The following DPP10 variants were observed in gnomAD, a reference collection of about 807,000 sequenced individuals.
DPP10 encodes the protein inactive dipeptidyl peptidase 10.
DPP10 carries 33 observed loss-of-function variants against 120.9 expected under a neutral mutation model. That is an observed-to-expected ratio of 0.27 (90% CI 0.21 to 0.37). The LOEUF is 0.37. DPP10 is among the 10% of genes least tolerant of loss of function. The pLI, the probability that DPP10 is intolerant of heterozygous loss-of-function variation, is 1.00. For synonymous variants in DPP10, 337 were observed against 326.1 expected (o/e 1.03, Z -0.36); for missense variants, 816 against 942.8 (o/e 0.87, Z 1.76).
At chr2:115,352,665 A>C (rs1009567176) in intron 3 of DPP10, among the ~76,000 whole-genome samples, 1 of 152,170 alleles carries the variant, frequency 6.6e-6, no homozygotes, top group Admixed American at 6.6e-5. Flanking sequence ...GACATTATGA[A>C]TATAAAGGGT....
At chr2:114,467,160 C>T (rs892309651) in intron 1 of DPP10, among the ~76,000 whole-genome samples, 1 of 152,058 alleles carries the variant, frequency 6.6e-6, no homozygotes, top group East Asian at 1.9e-4. Flanking sequence ...AAGAGGCAAC[C>T]TTACACTTTG....
At chr2:115,019,643 C>T (rs540559567) in intron 1 of DPP10, among the ~76,000 whole-genome samples, 44 of 152,250 alleles carry the variant, frequency 2.9e-4, no homozygotes, top group African/African-American at 9.6e-4. Flanking sequence ...ATCTAGACAT[C>T]CAAATACAAG....
At chr2:115,705,237 C>A (rs1396378264) in intron 7 of DPP10, among the ~76,000 whole-genome samples, 2 of 151,906 alleles carry the variant, frequency 1.3e-5, no homozygotes, top group Admixed American at 1.3e-4. Context: ...ACTTTTCAAA[C>A]ATATCTTTGA....
chr2:114,951,362 T>C (rs1697771064), intron 1 of DPP10, among the ~76,000 whole-genome samples: 1 of 152,192 alleles, frequency 6.6e-6, no homozygotes, highest in Non-Finnish European at 1.5e-5. Flanking sequence ...ATGAATATGA[T>C]TAGAACTGAG....
At chr2:115,235,146 A>G (rs1327691236) in intron 1 of DPP10, among the ~76,000 whole-genome samples, 2 of 152,144 alleles carry the variant, frequency 1.3e-5, no homozygotes, top group African/African-American at 2.4e-5. Context: ...GGAAAGGAAA[A>G]TTGCTTTAGA....
intron 1 of DPP10, among the ~76,000 whole-genome samples, chr2:114,684,271 T>A (rs1699226386): frequency 6.6e-6 from 1 of 151,884 alleles, no homozygotes; most frequent in Non-Finnish European, 1.5e-5. Context: ...CTCTTTTACC[T>A]CCCGGCCACT....
At chr2:115,215,233 TTA>T (rs1359168677) in intron 1 of DPP10, among the ~76,000 whole-genome samples, 12 of 152,344 alleles carry the variant, frequency 7.9e-5, no homozygotes, top group African/African-American at 2.9e-4. Flanking sequence ...AAAGCATAAC[TTA>T]TGATATTTGT....
intron 1 of DPP10, among the ~76,000 whole-genome samples, chr2:114,965,822 C>T (rs36121639): frequency 0.26 from 39,292 of 151,122 alleles, 5,165 homozygotes; most frequent in East Asian, 0.36. Context: ...AAAAATTAGC[C>T]GGGGACAATG....
chr2:115,840,806 G>A lies in DPP10; in HGVS notation c.2239G>A (p.Val747Met). The A allele has an allele frequency of 6.2e-7, 1 of 1,613,568 alleles. No homozygotes were observed. The highest frequency in any genetic ancestry group is 1.1e-5 in the South Asian group (1 of 91,048). Residue 747 changes from valine to methionine, a missense_variant, in exon 25 of 26, where the codon GTG (valine) becomes ATG (methionine). Around this residue, in one of 3 missense-constraint regions of DPP10, gnomAD observed 592 missense variants for 649.0 expected, o/e 0.91. Transcript: ENST00000410059. ...AATCAAGCACCTAATAAAAGCTGGA[G>A]TGAATTATACTATGCAGGTAAGCTA... The part of the protein sequence containing the change: ...ELIKHLIKAG[V>M]NYTMQVYPDE...
intron 1 of DPP10, among the ~76,000 whole-genome samples, chr2:115,023,061 C>T (rs1281134624): frequency 2.0e-5 from 3 of 152,104 alleles, no homozygotes; most frequent in Admixed American, 6.5e-5. Flanking sequence ...AAGATAACAT[C>T]GGAAAAACCC....
chr2:114,731,717 G>A (rs981833782), intron 1 of DPP10, among the ~76,000 whole-genome samples: 2 of 152,166 alleles, frequency 1.3e-5, no homozygotes, highest in Non-Finnish European at 2.9e-5. Flanking sequence ...ACATGAAATA[G>A]CAGAAGCAGT....
intron 1 of DPP10, among the ~76,000 whole-genome samples, chr2:115,040,232 C>T (rs1704534421): frequency 1.3e-5 from 2 of 151,812 alleles, no homozygotes; most frequent in Non-Finnish European, 2.9e-5. Flanking sequence ...CAAACCATAT[C>T]ACCAGGTGAT....
chr2:114,999,301 A>T (rs1276470335), intron 1 of DPP10, among the ~76,000 whole-genome samples: 1 of 152,168 alleles, frequency 6.6e-6, no homozygotes, highest in Non-Finnish European at 1.5e-5. Context: ...TCATCAATAC[A>T]GCCCCTGCCA....
intron 1 of DPP10, among the ~76,000 whole-genome samples, chr2:115,270,931 T>A (rs2059674282): frequency 6.6e-6 from 1 of 152,196 alleles, no homozygotes; most frequent in Non-Finnish European, 1.5e-5. Flanking sequence ...GCAAATTAGG[T>A]ATTCATTTTT....
chr2:115,588,841 A>C (rs770525655), intron 5 of DPP10, among the ~76,000 whole-genome samples: 86 of 152,218 alleles, frequency 5.6e-4, no homozygotes, highest in Non-Finnish European at 1.1e-3. Context: ...AGTTTGTAAA[A>C]TATTCTTCTA....
rs565442974 is a variant in DPP10, at chr2:115,017,613, AC to A, written c.61-291625del. Among the ~76,000 whole-genome samples the A allele has an allele frequency of 1.5e-4, 23 of 152,274 alleles. No individual in the cohort carries two copies. In the East Asian group the frequency reaches 4.4e-3, roughly 29 times the overall value. On this transcript the variant is annotated intron_variant, in intron 1 of 25. Coordinates refer to ENST00000410059, the MANE Select transcript of DPP10 (RefSeq NM_020868.6). ...GACCTGGAACCAACGCAAACGTCCA[AC>A]AGTGATAGACTAGATTGAGAAAATG...
At chr2:114,451,580 G>C (rs536321458) in intron 1 of DPP10, among the ~76,000 whole-genome samples, 1 of 152,144 alleles carries the variant, frequency 6.6e-6, no homozygotes, top group East Asian at 1.9e-4. Flanking sequence ...GAAGAAAAAA[G>C]GCAATGCAAC....
intron 1 of DPP10, among the ~76,000 whole-genome samples, chr2:114,977,940 T>A (rs1699855950): frequency 6.6e-6 from 1 of 152,186 alleles, no homozygotes; most frequent in African/African-American, 2.4e-5. Context: ...TGTGCTTTTT[T>A]GGTTTGCAAA....
chr2:114,535,584 G>A (rs1237785884), intron 1 of DPP10, among the ~76,000 whole-genome samples: 1 of 152,088 alleles, frequency 6.6e-6, no homozygotes, highest in Non-Finnish European at 1.5e-5. Flanking sequence ...CCACACTTAT[G>A]CTACGAGCCC....
Sources: gnomAD v4.1 joint callset for allele counts (sites outside exome capture counted in the v4.1 genomes callset) on GRCh38, gnomAD v4.1.1 for gene constraint, gnomAD v4.1.1 regional missense constraint, MANE v1.5 for transcripts, NCBI Gene and HGNC (gene_info 2026-07-23, HGNC 2026-07-21) for gene names.